NIBAN2: variants seen among roughly 807,000 people sequenced by gnomAD.
NIBAN2 encodes the protein niban apoptosis regulator 2, also known as protein Niban 2.
In NIBAN2, 36 loss-of-function variants were observed where a neutral mutation model predicts 81.8. The ratio of observed to expected loss-of-function variants is 0.44; its 90% confidence interval spans 0.34 to 0.58. NIBAN2 has a LOEUF of 0.58. NIBAN2 is among the 20% of genes least tolerant of loss of function. The probability of loss-of-function intolerance (pLI) is 0.02; values close to 1 mark genes in which losing one functional copy is unlikely to be tolerated. For missense variants in NIBAN2, 897 were observed against 1,014.1 expected (o/e 0.88, Z 1.57); for synonymous variants, 445 against 441.6 (o/e 1.01, Z -0.10).
intron 1 of NIBAN2, among the ~76,000 whole-genome samples, chr9:127,534,003 T>C (rs1837228942): frequency 6.6e-6 from 1 of 152,248 alleles, no homozygotes. Flanking sequence ...CGTGTGCTCC[T>C]GGGTGCCCCC....
chr9:127,555,316 C>A (rs542432140), intron 1 of NIBAN2, among the ~76,000 whole-genome samples: 1 of 152,206 alleles, frequency 6.6e-6, no homozygotes, highest in Admixed American at 6.5e-5. Context: ...ACCACCCTTA[C>A]CAGCCCCCAT....
Position 127,516,853 on chromosome 9 carries a change from C to A in NIBAN2, c.973+4G>T. 6.2e-7 allele frequency: 1 copy of A among 1,609,880 alleles called. No homozygotes were observed. The highest frequency in any genetic ancestry group is 8.5e-7 in the Non-Finnish European group (1 of 1,176,446). On this transcript the variant is annotated splice_donor_region_variant and intron_variant, in intron 8 of 13. Transcript: ENST00000373312. ...GCCCGTCGAGCACGGGGGTGGCTGC[C>A]TACCTCGGATCTTGCTGGCAAGGTG...
At chr9:127,521,082 A>G (rs1192781436) in intron 5 of NIBAN2, among the ~76,000 whole-genome samples, 4 of 152,066 alleles carry the variant, frequency 2.6e-5, no homozygotes, top group Admixed American at 6.6e-5. Context: ...GGGAGAGAAC[A>G]TATTTCTGCT....
chr9:127,575,152 T>C (rs908862852), intron 1 of NIBAN2, among the ~76,000 whole-genome samples: 33 of 151,470 alleles, frequency 2.2e-4, no homozygotes, highest in African/African-American at 7.8e-4. Flanking sequence ...CCCCTCCCCA[T>C]TCTCTAGCCA....
At chr9:127,578,229 G>T (rs1044094171) in intron 1 of NIBAN2, among the ~76,000 whole-genome samples, 1 of 150,726 alleles carries the variant, frequency 6.6e-6, no homozygotes. Flanking sequence ...GTAGTGGCCT[G>T]TGCCTGAAAT....
chr9:127,524,994 C>A, intron 4 of NIBAN2, 64 bp downstream of exon 4: 1 of 1,305,332 alleles, frequency 7.7e-7, no homozygotes, highest in South Asian at 1.2e-5. Flanking sequence ...CAGGGCCACC[C>A]CTCCCCTGGC....
chr9:127,568,903 C>T lies in NIBAN2; in HGVS notation c.-29G>A. 1 of 1,261,620 alleles carries T rather than the reference C, an allele frequency of 7.9e-7. No homozygotes were observed. Among genetic ancestry groups the T allele is most frequent in the South Asian group, 2.5e-5 (1 of 40,200 alleles). 78.2% of individuals were successfully genotyped at this position (1,261,620 alleles called of 1,614,324 possible). A position where few individuals can be genotyped will look rare whatever the true frequency, so the allele number is the denominator to read the frequency against. On this transcript the variant is annotated 5_prime_UTR_variant, in exon 1 of 14. Transcript: ENST00000373312. ...CAGGAGGTGTCGCGGCCCGATCCGG[C>T]CGACGCCGCCGCTGTTGCCCGCGCT...
intron 1 of NIBAN2, among the ~76,000 whole-genome samples, chr9:127,537,944 T>A (rs1837309124): frequency 6.6e-6 from 1 of 152,064 alleles, no homozygotes; most frequent in Admixed American, 6.6e-5. Flanking sequence ...TGGAGTTGAG[T>A]CCTGATCTGT....
chr9:127,556,810 CA>C (rs199659049), intron 1 of NIBAN2, among the ~76,000 whole-genome samples: 5,211 of 152,224 alleles, frequency 0.034, 307 homozygotes, highest in African/African-American at 0.12. Flanking sequence ...CGTGGTGGCT[CA>C]AACACCTGTA....
intron 1 of NIBAN2, among the ~76,000 whole-genome samples, chr9:127,577,175 G>A (rs1043111899): frequency 2.0e-5 from 3 of 151,994 alleles, no homozygotes; most frequent in South Asian, 4.2e-4. Context: ...AGGCGTGGTG[G>A]TGCACGTCTG....
Position 127,508,357 on chromosome 9 carries a change from C to T in NIBAN2, c.1434+65G>A, listed in dbSNP as rs1184635056. Reference sequence around the variant, plus strand: ...CAGGGACAGCAATCCTGGTGGTGGCCGGGGATGAGGCTCGGGGCTCGGCCT... The same window carrying T: ...CAGGGACAGCAATCCTGGTGGTGGCTGGGGATGAGGCTCGGGGCTCGGCCT... On this transcript the variant is annotated intron_variant, in intron 11 of 13. Coordinates refer to ENST00000373312, the MANE Select transcript of NIBAN2 (RefSeq NM_022833.4). The surrounding 1 kb of genome is among the most constrained non-coding windows in gnomAD (Gnocchi z 6.4). 3.3e-5 allele frequency: 48 copies of T among 1,449,856 alleles called. No individual in the cohort carries two copies. Among genetic ancestry groups the T allele is most frequent in the Non-Finnish European group, 4.4e-5 (46 of 1,041,794 alleles). The allele number at this position is 1,449,856 out of a possible 1,614,324, so 89.8% of individuals were successfully genotyped here.
intron 1 of NIBAN2, among the ~76,000 whole-genome samples, chr9:127,549,983 C>G (rs1837546389): frequency 6.6e-6 from 1 of 152,154 alleles, no homozygotes; most frequent in Admixed American, 6.5e-5. Flanking sequence ...CCTGAGAGAC[C>G]CTGCGCAGCC....
Position 127,518,010 on chromosome 9 carries a change from G to A in NIBAN2, c.590-69C>T, listed in dbSNP as rs1274456215. 33 of 1,007,154 alleles carry A rather than the reference G, an allele frequency of 3.3e-5. No individual in the cohort carries two copies. In the East Asian group the frequency reaches 8.2e-4, roughly 25 times the overall value. 62.4% of individuals were successfully genotyped at this position (1,007,154 alleles called of 1,614,324 possible). On this transcript the variant is annotated intron_variant, in intron 5 of 13. Coordinates refer to ENST00000373312, the MANE Select transcript of NIBAN2 (RefSeq NM_022833.4). ...AGTGGCCTCTACCAAGACCAACTGA[G>A]AACTGACCAAAACCCCCCCCACACA...
At position 127,508,142 on chromosome 9, in the gene NIBAN2, T is replaced by A; in HGVS notation, c.1493A>T (p.Gln498Leu). The part of the protein sequence containing the change: ...RKRFFREALL[Q>L]ISIPFLLKKL... ...CTTGAGCAGGAACGGGATGCTGATCTGCAGCAGCGCCTCCCGGAAGAACCT... is the reference window on the plus strand; with the variant it reads ...CTTGAGCAGGAACGGGATGCTGATCAGCAGCAGCGCCTCCCGGAAGAACCT... The change falls in exon 12 of 14, where the codon CAG becomes CTG. Residue 498 changes from glutamine to leucine, a missense_variant. Physicochemically the swap from Gln to Leu is moderately radical, Grantham distance 113 (BLOSUM62 -2). Around this residue, in one of 3 missense-constraint regions of NIBAN2, gnomAD observed 619 missense variants for 691.0 expected, o/e 0.90. Coordinates refer to ENST00000373312, the MANE Select transcript of NIBAN2 (RefSeq NM_022833.4). This position sits in a 1 kb window ranked among gnomAD's most constrained non-coding sequence, Gnocchi z 6.4. The A allele has an allele frequency of 6.2e-7, 1 of 1,613,638 alleles. No homozygotes were observed. The highest frequency in any genetic ancestry group is 1.1e-5 in the South Asian group (1 of 91,082).
At position 127,508,300 on chromosome 9, in the gene NIBAN2, C is replaced by A; in HGVS notation, c.1435-100G>T. ...GGTCTGACCCAAGCCTCCGAGTCCT[C>A]ATCCGCACAAGAGGACCATGGCGCC... On this transcript the variant is annotated intron_variant, in intron 11 of 13. Transcript: ENST00000373312. This position sits in a 1 kb window ranked among gnomAD's most constrained non-coding sequence, Gnocchi z 6.4. 7.6e-7 allele frequency: 1 copy of A among 1,324,184 alleles called. No individual in the cohort carries two copies. Among genetic ancestry groups the A allele is most frequent in the Non-Finnish European group, 1.1e-6 (1 of 930,510 alleles). The allele number at this position is 1,324,184 out of a possible 1,614,324, so 82.0% of individuals were successfully genotyped here.
At chr9:127,562,004 T>C (rs1372464366) in intron 1 of NIBAN2, among the ~76,000 whole-genome samples, 2 of 152,100 alleles carry the variant, frequency 1.3e-5, no homozygotes, top group African/African-American at 4.8e-5. Flanking sequence ...GGATGATGCT[T>C]GCAGGAGCCC....
At chr9:127,514,469 T>C (rs1836789580) in intron 8 of NIBAN2, among the ~76,000 whole-genome samples, 1 of 151,900 alleles carries the variant, frequency 6.6e-6, no homozygotes, top group Admixed American at 6.6e-5. Flanking sequence ...GAAAATAAAA[T>C]AAAATAAGAA....
Position 127,538,497 on chromosome 9 carries a change from C to T in NIBAN2, c.56-6719G>A, listed in dbSNP as rs531222731. Reference sequence around the variant, plus strand: ...AGTTGTGTGGCCAGGCATGGTGATGCGTGCCTGCAATCCCAGCTACTCAGG... The same window carrying T: ...AGTTGTGTGGCCAGGCATGGTGATGTGTGCCTGCAATCCCAGCTACTCAGG... On this transcript the variant is annotated intron_variant, in intron 1 of 13. Coordinates refer to ENST00000373312, the MANE Select transcript of NIBAN2 (RefSeq NM_022833.4). 5.7e-4 allele frequency among the ~76,000 whole-genome samples: 87 copies of T among 151,894 alleles called. 1 individual carries two copies. Among genetic ancestry groups the T allele is most frequent in the African/African-American group, 2.1e-3 (85 of 41,420 alleles).
rs1157115339 is a variant in NIBAN2, at chr9:127,507,096, C to T, written c.1990G>A (p.Glu664Lys). 3 of 1,578,702 alleles carry T rather than the reference C, an allele frequency of 1.9e-6. No individual in the cohort carries two copies. Among genetic ancestry groups the T allele is most frequent in the African/African-American group, 2.7e-5 (2 of 74,198 alleles). The change falls in exon 14 of 14, where the codon GAG becomes AAG. Residue 664 changes from glutamate (E) to lysine (K), a missense_variant. Glu to Lys is a moderately conservative substitution (Grantham distance 56). This residue lies in a region of NIBAN2 where 619 missense variants were observed against 691.0 expected (regional missense o/e 0.90). Coordinates refer to ENST00000373312, the MANE Select transcript of NIBAN2 (RefSeq NM_022833.4). This position sits in a 1 kb window ranked among gnomAD's most constrained non-coding sequence, Gnocchi z 6.8. ...AGGGGGCCGGCTGGTGGGGGGCTCT[C>T]AGGCCGCAGACCTTGGGCCAGCAGG... is the stretch of plus-strand genomic sequence containing the variant. ...RGLLAQGLRPESPPPAGPLLN... is the reference protein window; with the variant it reads ...RGLLAQGLRPKSPPPAGPLLN...
Sources: gnomAD v4.1 joint callset for allele counts (sites outside exome capture counted in the v4.1 genomes callset) on GRCh38, gnomAD v4.1.1 for gene constraint, gnomAD v4.1.1 regional missense constraint, Gnocchi (gnomAD v3.1) non-coding constraint, MANE v1.5 for transcripts, NCBI Gene and HGNC (gene_info 2026-07-23, HGNC 2026-07-21) for gene names.